The following SLC4A10 variants were observed in gnomAD, a reference collection of about 807,000 sequenced individuals.
SLC4A10 encodes sodium-driven chloride bicarbonate exchanger.
SLC4A10 carries 42 observed loss-of-function variants against 137.7 expected under a neutral mutation model. The observed-to-expected ratio is 0.30, with a 90% CI of 0.24 to 0.39. The LOEUF (loss-of-function observed/expected upper bound fraction) is 0.39. SLC4A10 is among the 10% of genes least tolerant of loss of function. SLC4A10 has a pLI of 1.00. For synonymous variants in SLC4A10, 474 were observed against 464.1 expected, an observed-to-expected ratio of 1.02 and a Z score of -0.27; for missense variants, 925 against 1,355.0, an observed-to-expected ratio of 0.68 and a Z score of 4.98.
At chr2:161,663,826 A>G (rs1260846051) in intron 1 of SLC4A10, among the ~76,000 whole-genome samples, 1 of 152,062 alleles carries the variant, frequency 6.6e-6, no homozygotes, top group Non-Finnish European at 1.5e-5. Flanking sequence ...AATTGTTGTT[A>G]TAATATGAAT....
At chr2:161,899,567 A>G (rs1454448445) in intron 11 of SLC4A10, among the ~76,000 whole-genome samples, 2 of 152,056 alleles carry the variant, frequency 1.3e-5, no homozygotes, top group African/African-American at 4.8e-5. Flanking sequence ...TCCTTAATAT[A>G]TGTTCTTTAC....
At chr2:161,711,432 G>T (rs879415355) in intron 1 of SLC4A10, among the ~76,000 whole-genome samples, 6 of 151,790 alleles carry the variant, frequency 4.0e-5, no homozygotes, top group Non-Finnish European at 5.9e-5. Context: ...ATAAAATGGG[G>T]GAATAGGATT....
At chr2:161,978,629 C>T (rs1469918880) in intron 26 of SLC4A10, among the ~76,000 whole-genome samples, 1 of 152,106 alleles carries the variant, frequency 6.6e-6, no homozygotes, top group African/African-American at 2.4e-5. Flanking sequence ...CTATACCAAA[C>T]AGTATAAACA....
intron 1 of SLC4A10, among the ~76,000 whole-genome samples, chr2:161,764,546 A>G (rs541254576): frequency 1.3e-5 from 2 of 152,294 alleles, no homozygotes; most frequent in Non-Finnish European, 2.9e-5. Flanking sequence ...TTTATAGCTC[A>G]TGGCATTATT....
chr2:161,628,924 G>A (rs2105387812), intron 1 of SLC4A10, among the ~76,000 whole-genome samples: 1 of 151,978 alleles, frequency 6.6e-6, no homozygotes, highest in South Asian at 2.1e-4. Flanking sequence ...AAAATATCTG[G>A]GCCAAGGTCT....
At chr2:161,812,597 T>C (rs2056661821) in intron 3 of SLC4A10, among the ~76,000 whole-genome samples, 1 of 152,146 alleles carries the variant, frequency 6.6e-6, no homozygotes, top group African/African-American at 2.4e-5. Flanking sequence ...TATCTCCCAT[T>C]TATGAGTAAC....
chr2:161,966,912 TAA>T (rs751186976), intron 23 of SLC4A10, among the ~76,000 whole-genome samples: 2 of 152,188 alleles, frequency 1.3e-5, no homozygotes, highest in East Asian at 1.9e-4. Context: ...TCTAAAATCT[TAA>T]GTTATCTATA....
rs138678762 is a variant in SLC4A10 at position 161,932,678 on chromosome 2, T to C, written c.1998-10114T>C. 2.7e-3 allele frequency among the ~76,000 whole-genome samples: 417 copies of C among 152,286 alleles called. 1 individual carries two copies. The highest frequency in any genetic ancestry group is 9.5e-3 in the African/African-American group (393 of 41,566). ...TGTGGTGGTTCTGGAACTTCAGGATTCACCTGATCTGCCTCCTACTTATCT... is the reference window on the plus strand; with the variant it reads ...TGTGGTGGTTCTGGAACTTCAGGATCCACCTGATCTGCCTCCTACTTATCT... On this transcript the variant is annotated intron_variant, in intron 15 of 26. Coordinates refer to ENST00000446997, the MANE Select transcript of SLC4A10 (RefSeq NM_001178015.2).
In SLC4A10 at chr2:161,782,575, C is replaced by T. The variant is rs561322837; in HGVS notation, c.130+11521C>T. On this transcript the variant is annotated intron_variant, in intron 2 of 26. Transcript: ENST00000446997. Reference sequence around the variant, plus strand: ...CTGGAAAAGAATTTAGAATAACTGTCATAAAGATGCTCACTGAGGATAAGA... The same window carrying T: ...CTGGAAAAGAATTTAGAATAACTGTTATAAAGATGCTCACTGAGGATAAGA... Among the ~76,000 whole-genome samples the T allele has an allele frequency of 4.0e-5, 6 of 151,392 alleles. No individual in the cohort carries two copies. The Middle Eastern group carries it at 0.02, about 515-fold the overall frequency.
intron 1 of SLC4A10, among the ~76,000 whole-genome samples, chr2:161,654,603 A>G (rs965176401): frequency 6.6e-6 from 1 of 152,112 alleles, no homozygotes; most frequent in African/African-American, 2.4e-5. Context: ...GTGAATATCC[A>G]GTTTTTCCAT....
chr2:161,953,728 C>T (rs569010336), intron 19 of SLC4A10, among the ~76,000 whole-genome samples: 137 of 152,302 alleles, frequency 9.0e-4, no homozygotes, highest in Non-Finnish European at 1.8e-3. Context: ...CAGTAAACCT[C>T]GAACTCATTG....
chr2:161,736,620 C>T (rs1219237164), intron 1 of SLC4A10, among the ~76,000 whole-genome samples: 4 of 152,128 alleles, frequency 2.6e-5, no homozygotes, highest in African/African-American at 9.7e-5. Flanking sequence ...CTTGTGAGAA[C>T]TCATTCACGA....
At chr2:161,825,106 G>C (rs1399450879) in intron 3 of SLC4A10, among the ~76,000 whole-genome samples, 1 of 152,078 alleles carries the variant, frequency 6.6e-6, no homozygotes, top group Non-Finnish European at 1.5e-5. Flanking sequence ...TACACATTAT[G>C]TGTTAATTGA....
intron 1 of SLC4A10, among the ~76,000 whole-genome samples, chr2:161,750,750 T>C (rs2048881034): frequency 1.3e-5 from 2 of 151,796 alleles, no homozygotes; most frequent in Non-Finnish European, 3.0e-5. Flanking sequence ...GTTCATTTGG[T>C]CTGTAGTGTT....
chr2:161,712,051 C>A (rs548929531), intron 1 of SLC4A10, among the ~76,000 whole-genome samples: 8 of 151,924 alleles, frequency 5.3e-5, no homozygotes, highest in African/African-American at 1.2e-4. Flanking sequence ...TTCCCTCTCC[C>A]TTAATCTCTT....
chr2:161,800,366 C>G (rs547678858), intron 2 of SLC4A10, among the ~76,000 whole-genome samples: 3 of 152,082 alleles, frequency 2.0e-5, no homozygotes, highest in African/African-American at 7.2e-5. Context: ...ACCATCCTCT[C>G]TATGTAAAAT....
intron 15 of SLC4A10, among the ~76,000 whole-genome samples, chr2:161,928,580 A>C (rs953369652): frequency 6.6e-6 from 1 of 150,482 alleles, no homozygotes; most frequent in African/African-American, 2.4e-5. Flanking sequence ...ATTAAAAAAA[A>C]AAACAAACTT....
chr2:161,629,815 A>G (rs936468453), intron 1 of SLC4A10, among the ~76,000 whole-genome samples: 4 of 151,710 alleles, frequency 2.6e-5, no homozygotes, highest in African/African-American at 9.7e-5. Flanking sequence ...GCCTTTTCAG[A>G]TTGGCTTCTT....
chr2:161,696,767 C>A (rs572066129), intron 1 of SLC4A10, among the ~76,000 whole-genome samples: 1 of 151,956 alleles, frequency 6.6e-6, no homozygotes, highest in African/African-American at 2.4e-5. Context: ...AATAAACATA[C>A]GTGTGCATGT....
Sources: gnomAD v4.1 joint callset for allele counts (sites outside exome capture counted in the v4.1 genomes callset) on GRCh38, gnomAD v4.1.1 for gene constraint, MANE v1.5 for transcripts, NCBI Gene and HGNC (gene_info 2026-07-23, HGNC 2026-07-21) for gene names.